Variants in PRKN observed in about 807,000 individuals in gnomAD.
PRKN encodes the protein parkin RBR E3 ubiquitin protein ligase, also known as E3 ubiquitin-protein ligase parkin.
Under a neutral mutation model 59.5 loss-of-function variants are expected in PRKN, and 56 were observed. The observed-to-expected ratio is 0.94, with a 90% CI of 0.76 to 1.18. PRKN has a LOEUF of 1.18. Among genes scored for constraint, PRKN ranks in the 50% most tolerant of loss-of-function variants. PRKN has a pLI of 0.00. For synonymous variants in PRKN, 250 were observed against 222.1 expected (o/e 1.13, Z -1.12); for missense variants, 657 against 596.4 (o/e 1.10, Z -1.06).
intron 2 of PRKN, among the ~76,000 whole-genome samples, chr6:162,432,604 T>A (rs1789592380): frequency 6.6e-6 from 1 of 152,212 alleles, no homozygotes; most frequent in Non-Finnish European, 1.5e-5. Context: ...GTATTTAATC[T>A]GCAAGGCTAA....
chr6:161,449,544 T>G (rs540281026), intron 9 of PRKN, among the ~76,000 whole-genome samples: 1 of 152,312 alleles, frequency 6.6e-6, no homozygotes, highest in South Asian at 2.1e-4. Context: ...CATGTTCATA[T>G]TCCATGGAAA....
chr6:162,398,360 G>T (rs902574566), intron 2 of PRKN, among the ~76,000 whole-genome samples: 4 of 150,756 alleles, frequency 2.7e-5, no homozygotes, highest in Non-Finnish European at 5.9e-5. Flanking sequence ...CTGTTATAAA[G>T]AGTAAGACAA....
intron 1 of PRKN, among the ~76,000 whole-genome samples, chr6:162,555,756 C>A (rs1257592962): frequency 6.6e-6 from 1 of 151,936 alleles, no homozygotes; most frequent in African/African-American, 2.4e-5. Context: ...TTTGGGAGGC[C>A]GAGGCAGGTG....
intron 5 of PRKN, among the ~76,000 whole-genome samples, chr6:162,006,208 C>T (rs189328823): frequency 9.2e-5 from 14 of 152,260 alleles, no homozygotes; most frequent in Non-Finnish European, 1.5e-4. Flanking sequence ...AGTTGCTTGG[C>T]GTTTGTTGAT....
rs142723329 is a variant in PRKN at position 161,975,651 on chromosome 6, T to C, written c.619-2234A>G. On this transcript the variant is annotated intron_variant, in intron 5 of 11. Transcript: ENST00000366898. ...ACGGACTTGCTAAACCAGAGATCGC[T>C]GAACCCACCCTGGGATTTTTGTGAT... Among the ~76,000 whole-genome samples the C allele has an allele frequency of 7.9e-3, 1,198 of 152,242 alleles. 21 individuals carry two copies. The highest frequency in any genetic ancestry group is 0.027 in the African/African-American group (1,130 of 41,556).
intron 2 of PRKN, among the ~76,000 whole-genome samples, chr6:162,381,921 G>C (rs149727300): frequency 8.9e-4 from 136 of 152,206 alleles, no homozygotes; most frequent in African/African-American, 3.1e-3. Context: ...TAGTAGAATT[G>C]TTTTTCTTTT....
chr6:162,304,531 CT>C (rs1284714558), intron 2 of PRKN, among the ~76,000 whole-genome samples: 6 of 133,144 alleles, frequency 4.5e-5, no homozygotes, highest in African/African-American at 1.5e-4. Flanking sequence ...ATCTATCTAT[CT>C]ATCTATCTAT....
intron 7 of PRKN, among the ~76,000 whole-genome samples, chr6:161,628,605 G>C (rs1783180728): frequency 6.6e-6 from 1 of 152,208 alleles, no homozygotes; most frequent in Admixed American, 6.5e-5. Flanking sequence ...ATATTTGCTA[G>C]TGAAAGGATT....
chr6:162,333,802 G>C (rs183241332), intron 2 of PRKN, among the ~76,000 whole-genome samples: 3 of 152,320 alleles, frequency 2.0e-5, no homozygotes, highest in Admixed American at 1.3e-4. Context: ...AGGAAGGCAC[G>C]TTGAAAGCCA....
chr6:162,264,551 G>C (rs4709588), intron 2 of PRKN, among the ~76,000 whole-genome samples: 1 of 151,762 alleles, frequency 6.6e-6, no homozygotes, highest in Non-Finnish European at 1.5e-5. Flanking sequence ...AGGGCACCAG[G>C]ACACCCTTCG....
intron 1 of PRKN, among the ~76,000 whole-genome samples, chr6:162,542,233 T>C (rs1189185772): frequency 4.6e-5 from 7 of 152,162 alleles, no homozygotes; most frequent in Admixed American, 4.6e-4. Context: ...AGGTATTAAA[T>C]ATTGCAGCAA....
At chr6:162,671,889 G>A (rs1287603387) in intron 1 of PRKN, among the ~76,000 whole-genome samples, 3 of 151,986 alleles carry the variant, frequency 2.0e-5, no homozygotes, top group Admixed American at 2.0e-4. Flanking sequence ...GAGAGGGGAG[G>A]TAGGTTGGAT....
intron 2 of PRKN, among the ~76,000 whole-genome samples, chr6:162,334,145 T>C (rs1783720464): frequency 6.6e-6 from 1 of 152,160 alleles, no homozygotes; most frequent in African/African-American, 2.4e-5. Flanking sequence ...ACTGTCTCCA[T>C]CATGTAAAAA....
intron 1 of PRKN, among the ~76,000 whole-genome samples, chr6:162,509,758 T>C (rs902983898): frequency 6.6e-5 from 10 of 152,212 alleles, no homozygotes; most frequent in Admixed American, 5.2e-4. Context: ...TTTTATTACA[T>C]CGTTCTGTTT....
intron 4 of PRKN, among the ~76,000 whole-genome samples, chr6:162,099,595 C>A (rs1207378440): frequency 1.3e-5 from 2 of 152,096 alleles, no homozygotes; most frequent in Non-Finnish European, 2.9e-5. Context: ...ACATGTATGT[C>A]TTTTATGAAA....
At chr6:161,938,677 C>T (rs780307994) in intron 6 of PRKN, among the ~76,000 whole-genome samples, 1 of 152,160 alleles carries the variant, frequency 6.6e-6, no homozygotes, top group Non-Finnish European at 1.5e-5. Context: ...TTATGAAATG[C>T]CAATCCTGTC....
At chr6:162,443,875 C>T (rs1021285509) in intron 1 of PRKN, among the ~76,000 whole-genome samples, 4 of 151,266 alleles carry the variant, frequency 2.6e-5, no homozygotes, top group Admixed American at 1.3e-4. Flanking sequence ...AAATAGGAGG[C>T]GATGTGTTAG....
chr6:161,556,886 GT>G (rs1191408187), intron 8 of PRKN, among the ~76,000 whole-genome samples: 1 of 152,150 alleles, frequency 6.6e-6, no homozygotes, highest in Non-Finnish European at 1.5e-5. Flanking sequence ...GCATCTGTGT[GT>G]GTGTAGATAT....
Position 161,846,804 on chromosome 6 carries a change from C to T in PRKN, c.735-60896G>A, listed in dbSNP as rs532508898. Among the ~76,000 whole-genome samples, 479 of 152,234 alleles carry T rather than the reference C, an allele frequency of 3.1e-3. 3 individuals are homozygous for T. The highest frequency in any genetic ancestry group is 0.011 in the African/African-American group (449 of 41,538). ...CTGTGTTGATATAATTGATATCCTT[C>T]CAGAGGAGGAAAACCTAGTTTTTAA... is the stretch of plus-strand genomic sequence containing the variant. On this transcript the variant is annotated intron_variant, in intron 6 of 11. Transcript: ENST00000366898.
Sources: gnomAD v4.1 joint callset for allele counts (sites outside exome capture counted in the v4.1 genomes callset) on GRCh38, gnomAD v4.1.1 for gene constraint, MANE v1.5 for transcripts, NCBI Gene and HGNC (gene_info 2026-07-23, HGNC 2026-07-21) for gene names.